Variants in CFAP299 observed in about 807,000 individuals in gnomAD.
The protein encoded by CFAP299 is cilia- and flagella-associated protein 299.
Under a neutral mutation model 27.0 loss-of-function variants are expected in CFAP299, and 21 were observed. That is an observed-to-expected ratio of 0.78 (90% confidence interval 0.55 to 1.12). The LOEUF (loss-of-function observed/expected upper bound fraction) is 1.12, where lower values mean the gene tolerates loss of function less well. CFAP299 is among the 50% of genes most tolerant of loss of function. The pLI, the probability that CFAP299 is intolerant of heterozygous loss-of-function variation, is 0.00. For synonymous variants in CFAP299, 104 were observed against 98.1 expected (o/e 1.06, Z -0.36); for missense variants, 310 against 276.6 (o/e 1.12, Z -0.86).
chr4:80,429,705 G>T (rs1727712946), intron 2 of CFAP299, among the ~76,000 whole-genome samples: 1 of 152,106 alleles, frequency 6.6e-6, no homozygotes, highest in African/African-American at 2.4e-5. Context: ...CTATGTAATA[G>T]TTATTCAGCA....
intron 2 of CFAP299, among the ~76,000 whole-genome samples, chr4:80,395,067 T>A (rs1725705835): frequency 6.6e-6 from 1 of 152,048 alleles, no homozygotes; most frequent in African/African-American, 2.4e-5. Flanking sequence ...ACATGTGATA[T>A]CTTTTTATTT....
At chr4:80,677,771 G>T (rs1309059088) in intron 3 of CFAP299, among the ~76,000 whole-genome samples, 1 of 151,954 alleles carries the variant, frequency 6.6e-6, no homozygotes, top group Non-Finnish European at 1.5e-5. Flanking sequence ...CTTGCTAGTG[G>T]TTGTAAAGTT....
At chr4:80,493,722 CTCTTCTGGGATATCTG>C (rs1187903740) in intron 2 of CFAP299, among the ~76,000 whole-genome samples, 2 of 149,468 alleles carry the variant, frequency 1.3e-5, no homozygotes, top group Non-Finnish European at 3.0e-5. Flanking sequence ...TTATATCTAG[CTCTTCTGGGATATCTG>C]TCTCTTTTCT....
intron 2 of CFAP299, among the ~76,000 whole-genome samples, chr4:80,391,184 T>C (rs1376543912): frequency 6.6e-6 from 1 of 152,120 alleles, no homozygotes; most frequent in African/African-American, 2.4e-5. Flanking sequence ...GCAGTGAATA[T>C]GGGAGTGCAG....
At chr4:80,651,525 C>T (rs764219094) in intron 3 of CFAP299, among the ~76,000 whole-genome samples, 33 of 151,742 alleles carry the variant, frequency 2.2e-4, no homozygotes, top group Non-Finnish European at 2.9e-5. Context: ...GCCGCCACAC[C>T]TAGCTAATTT....
At chr4:80,751,821 G>A (rs1280891862) in intron 3 of CFAP299, among the ~76,000 whole-genome samples, 2 of 152,196 alleles carry the variant, frequency 1.3e-5, no homozygotes, top group East Asian at 3.9e-4. Flanking sequence ...TGAGCCAGTG[G>A]TTTTTAACTT....
At chr4:80,418,898 A>G (rs1401832122) in intron 2 of CFAP299, among the ~76,000 whole-genome samples, 1 of 152,210 alleles carries the variant, frequency 6.6e-6, no homozygotes, top group East Asian at 1.9e-4. Flanking sequence ...TCATCCCTTC[A>G]TGGACACCTA....
intron 3 of CFAP299, among the ~76,000 whole-genome samples, chr4:80,822,438 A>G (rs998003465): frequency 1.3e-5 from 2 of 152,202 alleles, no homozygotes; most frequent in African/African-American, 4.8e-5. Flanking sequence ...ATATGATGAG[A>G]GTAGTTTGTT....
chr4:80,481,534 A>G (rs1730569599), intron 2 of CFAP299, among the ~76,000 whole-genome samples: 1 of 152,068 alleles, frequency 6.6e-6, no homozygotes, highest in African/African-American at 2.4e-5. Context: ...ATAATGTGGA[A>G]TTTTTTTCTT....
intron 3 of CFAP299, among the ~76,000 whole-genome samples, chr4:80,670,863 A>G (rs1023156412): frequency 7.9e-5 from 12 of 151,878 alleles, no homozygotes; most frequent in Non-Finnish European, 1.3e-4. Flanking sequence ...AAATTTGTTT[A>G]TGTTCTTTGT....
intron 3 of CFAP299, among the ~76,000 whole-genome samples, chr4:80,775,795 T>C (rs1385491591): frequency 6.6e-6 from 1 of 152,180 alleles, no homozygotes; most frequent in Non-Finnish European, 1.5e-5. Flanking sequence ...ACAAAATGGT[T>C]GTAAGAAGTG....
At chr4:80,501,612 TA>T (rs1161517845) in intron 2 of CFAP299, among the ~76,000 whole-genome samples, 2 of 150,444 alleles carry the variant, frequency 1.3e-5, no homozygotes. Context: ...TAAAATTAGT[TA>T]AAAATTAGAA....
intron 3 of CFAP299, among the ~76,000 whole-genome samples, chr4:80,630,713 C>CT (rs1281950228): frequency 1.6e-4 from 25 of 151,846 alleles, no homozygotes; most frequent in Non-Finnish European, 2.9e-5. Flanking sequence ...TAATGATCCA[C>CT]ATATTATCGA....
intron 3 of CFAP299, among the ~76,000 whole-genome samples, chr4:80,686,071 C>G (rs977538793): frequency 6.6e-6 from 1 of 152,006 alleles, no homozygotes; most frequent in Non-Finnish European, 1.5e-5. Context: ...AAAATTTACA[C>G]TGACCAACCA....
At chr4:80,452,271 C>G (rs1728939098) in intron 2 of CFAP299, among the ~76,000 whole-genome samples, 1 of 151,926 alleles carries the variant, frequency 6.6e-6, no homozygotes, top group Non-Finnish European at 1.5e-5. Context: ...CAATCCATTA[C>G]ATCATTCTGT....
At chr4:80,503,469 A>G (rs935864020) in intron 2 of CFAP299, among the ~76,000 whole-genome samples, 3 of 152,108 alleles carry the variant, frequency 2.0e-5, no homozygotes, top group Non-Finnish European at 2.9e-5. Context: ...ATGAGGCTGT[A>G]TAATGTTCTT....
chr4:80,889,392 T>C (rs1471663517), intron 4 of CFAP299, among the ~76,000 whole-genome samples: 6 of 151,874 alleles, frequency 4.0e-5, no homozygotes. Context: ...AATGAATACA[T>C]TTCTAGACAT....
chr4:80,338,161 A>G (rs1303000969), intron 1 of CFAP299, among the ~76,000 whole-genome samples: 1 of 152,168 alleles, frequency 6.6e-6, no homozygotes, highest in African/African-American at 2.4e-5. Flanking sequence ...ACAACTTTTA[A>G]AACATTTTAT....
At chr4:80,625,015 A>G (rs1402267594) in intron 3 of CFAP299, among the ~76,000 whole-genome samples, 1 of 152,180 alleles carries the variant, frequency 6.6e-6, no homozygotes, top group Non-Finnish European at 1.5e-5. Flanking sequence ...GAAAGAAAAA[A>G]ACACTAATAA....
Sources: allele counts gnomAD v4.1 joint callset (sites outside exome capture counted in the v4.1 genomes callset), GRCh38; gene constraint gnomAD v4.1.1; transcripts MANE v1.5; gene names NCBI Gene and HGNC (gene_info 2026-07-23, HGNC 2026-07-21).